PEX7: variants seen among roughly 807,000 people sequenced by gnomAD.
The protein encoded by PEX7 is PTS2 receptor.
Under a neutral mutation model 47.5 loss-of-function variants are expected in PEX7, and 34 were observed. The ratio of observed to expected loss-of-function variants is 0.72; its 90% CI spans 0.54 to 0.95. PEX7 has a LOEUF of 0.95. PEX7 is among the 40% of genes least tolerant of loss of function. The pLI, the probability that PEX7 is intolerant of heterozygous loss-of-function variation, is 0.00. For missense variants in PEX7, 394 were observed against 400.3 expected (o/e 0.98, Z 0.13); for synonymous variants, 141 against 148.8 (o/e 0.95, Z 0.38).
At chr6:136,840,924 C>A (rs1042530658) in intron 3 of PEX7, among the ~76,000 whole-genome samples, 1 of 152,074 alleles carries the variant, frequency 6.6e-6, no homozygotes, top group African/African-American at 2.4e-5. Context: ...TGAGAAGTGA[C>A]CCCCTGCCCT....
chr6:136,898,032 C>G, intron 8 of PEX7, 110 bp from the exon 9 acceptor site: 2 of 712,846 alleles, frequency 2.8e-6, no homozygotes, highest in Non-Finnish European at 5.0e-6. Flanking sequence ...TATGAATTGG[C>G]TGAGCCTGTT....
chr6:136,904,390 T>C (rs898046392), intron 9 of PEX7, among the ~76,000 whole-genome samples: 1 of 152,182 alleles, frequency 6.6e-6, no homozygotes, highest in Non-Finnish European at 1.5e-5. Context: ...GCTCCTTAGA[T>C]GGATGGTATT....
At chr6:136,908,839 C>T (rs561984969) in intron 9 of PEX7, among the ~76,000 whole-genome samples, 1 of 152,308 alleles carries the variant, frequency 6.6e-6, no homozygotes, top group South Asian at 2.1e-4. Context: ...ATCCCACTGC[C>T]TAGAACATTT....
At chr6:136,832,812 C>A (rs1252721617) in intron 3 of PEX7, among the ~76,000 whole-genome samples, 1 of 152,202 alleles carries the variant, frequency 6.6e-6, no homozygotes, top group Non-Finnish European at 1.5e-5. Flanking sequence ...CATGAATGAC[C>A]TTTACTCCAG....
chr6:136,834,407 G>A (rs567858585), intron 3 of PEX7, among the ~76,000 whole-genome samples: 1 of 152,298 alleles, frequency 6.6e-6, no homozygotes, highest in African/African-American at 2.4e-5. Flanking sequence ...TGTAGAGATG[G>A]GGTTTCTCCA....
At position 136,900,374 on chromosome 6, in the gene PEX7, A is replaced by G. The variant is rs994603497; in HGVS notation, c.903+2133A>G. 2.1e-5 allele frequency: 6 copies of G among 280,706 alleles called. No homozygotes were observed. The highest frequency in any genetic ancestry group is 4.2e-5 in the South Asian group (1 of 24,058). 17.4% of individuals were successfully genotyped at this position (280,706 alleles called of 1,614,324 possible). A position where few individuals can be genotyped will look rare whatever the true frequency, so the allele number is the denominator to read the frequency against. Reference sequence around the variant, plus strand: ...TTATGTACAGAAAACTCAACCGTGTACATTTAATCCAGTTTAGTGGCAGGT... The same window carrying G: ...TTATGTACAGAAAACTCAACCGTGTGCATTTAATCCAGTTTAGTGGCAGGT... On this transcript the variant is annotated intron_variant, in intron 9 of 9. Coordinates refer to ENST00000318471, the MANE Select transcript of PEX7 (RefSeq NM_000288.4). This position sits in a 1 kb window ranked among gnomAD's most constrained non-coding sequence, Gnocchi z 4.2.
chr6:136,894,923 G>A (rs563970651), intron 8 of PEX7, among the ~76,000 whole-genome samples: 1 of 152,170 alleles, frequency 6.6e-6, no homozygotes, highest in African/African-American at 2.4e-5. Flanking sequence ...ACCACTTAAT[G>A]ATATATGATA....
chr6:136,876,572 G>A (rs1041294386), intron 8 of PEX7, among the ~76,000 whole-genome samples: 2 of 152,038 alleles, frequency 1.3e-5, no homozygotes, highest in Non-Finnish European at 2.9e-5. Flanking sequence ...TCCCACTTAT[G>A]AGTGAGAACA....
chr6:136,850,998 A>T (rs1399223534), intron 5 of PEX7, among the ~76,000 whole-genome samples: 26 of 87,222 alleles, frequency 3.0e-4, no homozygotes, highest in South Asian at 4.3e-4. Flanking sequence ...TTTATTTTTA[A>T]TTTTTTTTTT....
chr6:136,868,520 A>G lies in PEX7; in HGVS notation c.634-1370A>G, dbSNP rs372727297. 2.1e-4 allele frequency among the ~76,000 whole-genome samples: 32 copies of G among 152,250 alleles called. 1 individual carries two copies. Among genetic ancestry groups the G allele is most frequent in the Admixed American group, 9.2e-4 (14 of 15,286 alleles). ...TCAAACTCATAAATGAATGTTTCATATTGGAAAATTAATTATGGCCTGTAT... is the reference window on the plus strand; with the variant it reads ...TCAAACTCATAAATGAATGTTTCATGTTGGAAAATTAATTATGGCCTGTAT... On this transcript the variant is annotated intron_variant, in intron 6 of 9. Coordinates refer to ENST00000318471, the MANE Select transcript of PEX7 (RefSeq NM_000288.4).
chr6:136,860,897 G>A (rs1463333576), intron 5 of PEX7, among the ~76,000 whole-genome samples: 1 of 152,074 alleles, frequency 6.6e-6, no homozygotes, highest in Admixed American at 6.6e-5. Flanking sequence ...TTCTCACCAC[G>A]TCCCACCCCA....
At chr6:136,832,351 C>T (rs1360788413) in intron 3 of PEX7, among the ~76,000 whole-genome samples, 2 of 152,208 alleles carry the variant, frequency 1.3e-5, no homozygotes, top group Admixed American at 6.5e-5. Flanking sequence ...AGCAGCAGGG[C>T]CACTCAGGCC....
chr6:136,835,833 A>G (rs1774375680), intron 3 of PEX7, among the ~76,000 whole-genome samples: 1 of 152,250 alleles, frequency 6.6e-6, no homozygotes, highest in South Asian at 2.1e-4. Flanking sequence ...TTACCTTGCA[A>G]AATCATTATT....
intron 3 of PEX7, among the ~76,000 whole-genome samples, chr6:136,836,425 T>C (rs1362223676): frequency 6.6e-6 from 1 of 152,138 alleles, no homozygotes; most frequent in Admixed American, 6.6e-5. Context: ...TCTTCAGATA[T>C]AACTTGTATT....
intron 5 of PEX7, among the ~76,000 whole-genome samples, chr6:136,866,414 C>T (rs924114980): frequency 1.3e-5 from 2 of 152,088 alleles, no homozygotes; most frequent in African/African-American, 4.8e-5. Flanking sequence ...AATTTTCCTC[C>T]TAATAGCATT....
intron 4 of PEX7, 44 bp from the exon 5 acceptor site, chr6:136,846,029 T>A (rs892031656): frequency 8.4e-7 from 1 of 1,190,014 alleles, no homozygotes; most frequent in Non-Finnish European, 1.3e-6. Context: ...AAGCATAAAT[T>A]TGAATTTATC....
intron 3 of PEX7, among the ~76,000 whole-genome samples, chr6:136,833,360 G>A (rs1285492636): frequency 6.6e-6 from 1 of 152,138 alleles, no homozygotes; most frequent in Non-Finnish European, 1.5e-5. Flanking sequence ...CCTTCGACAC[G>A]TGGGGATTAC....
intron 3 of PEX7, among the ~76,000 whole-genome samples, chr6:136,842,682 A>C (rs145741629): frequency 6.6e-6 from 1 of 152,218 alleles, no homozygotes; most frequent in African/African-American, 2.4e-5. Context: ...TTGAGTGCCT[A>C]TTTTACTGTG....
chr6:136,891,619 A>G (rs1775555653), intron 8 of PEX7, among the ~76,000 whole-genome samples: 1 of 151,976 alleles, frequency 6.6e-6, no homozygotes, highest in Admixed American at 6.6e-5. Flanking sequence ...GAGTGAATGA[A>G]TAGTTTAACT....
Sources: gnomAD v4.1 joint callset for allele counts (sites outside exome capture counted in the v4.1 genomes callset) on GRCh38, gnomAD v4.1.1 for gene constraint, Gnocchi (gnomAD v3.1) non-coding constraint, MANE v1.5 for transcripts, NCBI Gene and HGNC (gene_info 2026-07-23, HGNC 2026-07-21) for gene names.